ROBO3: variants seen among roughly 807,000 people sequenced by gnomAD.
ROBO3 encodes roundabout homolog 3.
In ROBO3, 97 loss-of-function variants were observed where a neutral mutation model predicts 160.5. That is an observed-to-expected ratio of 0.60 (90% CI 0.51 to 0.72). The LOEUF is 0.72. ROBO3 is among the 30% of genes least tolerant of loss of function. The pLI is 0.00. For missense variants in ROBO3, 1,858 were observed against 1,846.5 expected (o/e 1.01, Z -0.11); for synonymous variants, 780 against 746.2 (o/e 1.05, Z -0.74).
At position 124,878,983 on chromosome 11, in the gene ROBO3, G is replaced by A; in HGVS notation, c.3533+187G>A. 2 of 753,040 alleles carry A rather than the reference G, an allele frequency of 2.7e-6. No individual in the cohort carries two copies. The highest frequency in any genetic ancestry group is 5.3e-5 in the Admixed American group (2 of 38,006). The allele number at this position is 753,040 out of a possible 1,614,324, so 46.6% of individuals were successfully genotyped here. A position where few individuals can be genotyped will look rare whatever the true frequency, so the allele number is the denominator to read the frequency against. On this transcript the variant is annotated intron_variant, in intron 23 of 27. Transcript: ENST00000397801. The surrounding 1 kb of genome is among the most constrained non-coding windows in gnomAD (Gnocchi z 4.3). Reference sequence around the variant, plus strand: ...CTGACAAGATCTCTCATGCCCATTAGACTGGCTCTTGCTGGAGTGGTCAGC... The same window carrying A: ...CTGACAAGATCTCTCATGCCCATTAAACTGGCTCTTGCTGGAGTGGTCAGC...
chr11:124,877,900 G>A (rs1419972987), intron 20 of ROBO3, 37 bp from the exon 21 acceptor site: 2 of 1,424,628 alleles, frequency 1.4e-6, no homozygotes, highest in Admixed American at 1.9e-5. Context: ...CTATGTTTCT[G>A]TCTCTGCTTC....
chr11:124,870,481 G>T (rs1404732218), intron 5 of ROBO3, 120 bp from the exon 6 acceptor site: 33 of 1,527,148 alleles, frequency 2.2e-5, no homozygotes, highest in Non-Finnish European at 2.8e-5. Flanking sequence ...TGGGTAACCA[G>T]CTTCTGTCCC....
Position 124,875,093 on chromosome 11 carries a change from T to A in ROBO3, c.2074-18T>A. On this transcript the variant is annotated intron_variant, in intron 13 of 27. Transcript: ENST00000397801. ...CCCCAGCCTCCCCTTCTGGTGTGCCTTGTCCTGTCTCCCACAGGTGGATGG... is the reference window on the plus strand; with the variant it reads ...CCCCAGCCTCCCCTTCTGGTGTGCCATGTCCTGTCTCCCACAGGTGGATGG... The A allele has an allele frequency of 6.3e-7, 1 of 1,581,090 alleles. No homozygotes were observed. Among genetic ancestry groups the A allele is most frequent in the Non-Finnish European group, 8.6e-7 (1 of 1,163,774 alleles).
In ROBO3 at chr11:124,873,595, T is replaced by C; in HGVS notation, c.1619-102T>C. 8.6e-7 allele frequency: 1 copy of C among 1,156,570 alleles called. No individual in the cohort carries two copies. The highest frequency in any genetic ancestry group is 1.2e-6 in the Non-Finnish European group (1 of 819,324). 71.6% of individuals were successfully genotyped at this position (1,156,570 alleles called of 1,614,324 possible). Reference sequence around the variant, plus strand: ...CATATACTATAGCCCACTCTGACCATCACCGCAGCTCAGAGCTCCATAGCT... The same window carrying C: ...CATATACTATAGCCCACTCTGACCACCACCGCAGCTCAGAGCTCCATAGCT... On this transcript the variant is annotated intron_variant, in intron 10 of 27. Coordinates refer to ENST00000397801, the MANE Select transcript of ROBO3 (RefSeq NM_022370.4). The surrounding 1 kb of genome is among the most constrained non-coding windows in gnomAD (Gnocchi z 4.5).
chr11:124,867,307 T>C lies in ROBO3; in HGVS notation c.161-1495T>C, dbSNP rs186398469. Among the ~76,000 whole-genome samples, 34 of 152,308 alleles carry C rather than the reference T, an allele frequency of 2.2e-4. No individual in the cohort carries two copies. The East Asian group carries it at 5.0e-3, about 22-fold the overall frequency. ...ACGTTTATCCCCCAAGGGCTTTACATACATTATGGTCTTAGAGCAACCCTA... is the reference window on the plus strand; with the variant it reads ...ACGTTTATCCCCCAAGGGCTTTACACACATTATGGTCTTAGAGCAACCCTA... On this transcript the variant is annotated intron_variant, in intron 1 of 27. Transcript: ENST00000397801.
chr11:124,870,899 T>G, intron 6 of ROBO3, 115 bp from the exon 7 acceptor site: 1 of 1,522,998 alleles, frequency 6.6e-7, no homozygotes, highest in Non-Finnish European at 9.0e-7. Context: ...GAGGAAGAGA[T>G]GGATATCTGC....
chr11:124,870,311 A>AC lies in ROBO3; in HGVS notation c.905+13dup. 3 of 1,611,640 alleles carry AC rather than the reference A, an allele frequency of 1.9e-6. No homozygotes were observed. Among genetic ancestry groups the AC allele is most frequent in the South Asian group, 1.1e-5 (1 of 90,830 alleles). ...GGAACTGCCCACAGGCAGGTGAGAG[A>AC]CCCCCTTCTGCCTGTAGGAAGACCC... On this transcript the variant is annotated intron_variant, in intron 5 of 27. Coordinates refer to ENST00000397801, the MANE Select transcript of ROBO3 (RefSeq NM_022370.4).
Position 124,868,887 on chromosome 11 carries a change from G to C in ROBO3, c.246G>C (p.Thr82=). The part of the protein sequence containing the change: ...DLLVSRGEPA[T]LPCRAEGRPR... ...TGGTCTCCCGAGGCGAGCCCGCCACGTTGCCCTGCCGCGCTGAAGGCCGAC... is the reference window on the plus strand; with the variant it reads ...TGGTCTCCCGAGGCGAGCCCGCCACCTTGCCCTGCCGCGCTGAAGGCCGAC... Residue 82 remains threonine, a synonymous_variant, in exon 2 of 28, where the codon ACG becomes ACC. Transcript: ENST00000397801. The C allele has an allele frequency of 6.2e-7, 1 of 1,608,472 alleles. No individual in the cohort carries two copies. The highest frequency in any genetic ancestry group is 1.1e-5 in the South Asian group (1 of 89,918).
At position 124,873,610 on chromosome 11, in the gene ROBO3, G is replaced by A; in HGVS notation, c.1619-87G>A. On this transcript the variant is annotated intron_variant, in intron 10 of 27. Transcript: ENST00000397801. The surrounding 1 kb of genome is among the most constrained non-coding windows in gnomAD (Gnocchi z 4.5). ...ACTCTGACCATCACCGCAGCTCAGA[G>A]CTCCATAGCTCCCCTGGTAAGGAGA... The A allele has an allele frequency of 7.6e-7, 1 of 1,313,958 alleles. No individual in the cohort carries two copies. The highest frequency in any genetic ancestry group is 1.0e-6 in the Non-Finnish European group (1 of 955,454). The allele number at this position is 1,313,958 out of a possible 1,614,324, so 81.4% of individuals were successfully genotyped here.
In ROBO3 at chr11:124,876,429, G is replaced by C; in HGVS notation, c.2748G>C (p.Arg916=). Residue 916 remains arginine, a synonymous_variant, in exon 17 of 28, where the codon CGG becomes CGC. Coordinates refer to ENST00000397801, the MANE Select transcript of ROBO3 (RefSeq NM_022370.4). The surrounding 1 kb of genome is among the most constrained non-coding windows in gnomAD (Gnocchi z 5.3). The stretch of plus-strand genomic sequence containing the variant: ...TCTGCGCCGCCCTCTACTGGCGCCG[G>C]AAACAGCGCAAAGAGCTCAGCCACT... ...LGLCAALYWR[R]KQRKELSHYT... is the part of the protein sequence containing the mutation. 6.9e-7 allele frequency: 1 copy of C among 1,447,302 alleles called. No homozygotes were observed. 89.7% of individuals were successfully genotyped at this position (1,447,302 alleles called of 1,614,324 possible). A position where few individuals can be genotyped will look rare whatever the true frequency, so the allele number is the denominator to read the frequency against.
At chr11:124,874,286 G>T in intron 12 of ROBO3, 50 bp downstream of exon 12, 1 of 1,536,204 alleles carries the variant, frequency 6.5e-7, no homozygotes, top group South Asian at 1.2e-5. Context: ...ACATCATAAA[G>T]CAACCCTCTC....
At chr11:124,867,057 G>A (rs1264692811) in intron 1 of ROBO3, among the ~76,000 whole-genome samples, 1 of 152,142 alleles carries the variant, frequency 6.6e-6, no homozygotes, top group East Asian at 1.9e-4. Context: ...TTTTGCCGCC[G>A]AGAAAACGCT....
intron 7 of ROBO3, among the ~76,000 whole-genome samples, chr11:124,871,895 A>C (rs765340714): frequency 6.6e-6 from 1 of 152,210 alleles, no homozygotes; most frequent in Non-Finnish European, 1.5e-5. Context: ...GGGGTGAAGC[A>C]GGTGTTACCC....
Position 124,869,880 on chromosome 11 carries a change from T to A in ROBO3, c.646-68T>A. ...AACTTTATACATATGTATATACACA[T>A]ATATTCACCATATATATATACGCTG... On this transcript the variant is annotated intron_variant, in intron 3 of 27. Coordinates refer to ENST00000397801, the MANE Select transcript of ROBO3 (RefSeq NM_022370.4). This position sits in a 1 kb window ranked among gnomAD's most constrained non-coding sequence, Gnocchi z 4.2. 1 of 1,534,274 alleles carries A rather than the reference T, an allele frequency of 6.5e-7. No individual in the cohort carries two copies. The highest frequency in any genetic ancestry group is 8.8e-7 in the Non-Finnish European group (1 of 1,131,306).
At position 124,877,205 on chromosome 11, in the gene ROBO3, TG is replaced by T. The variant is rs550054823; in HGVS notation, c.2803+25del. 2.7e-4 allele frequency: 440 copies of T among 1,613,920 alleles called. 2 individuals are homozygous for T. The African/African-American group carries it at 5.0e-3, about 18-fold the overall frequency. ...GGCAGGTAAGCCATCTCTGCCCCAG[TG>T]GGGTTCAGACCCCCCGGGACGGGCC... On this transcript the variant is annotated intron_variant, in intron 18 of 27. Transcript: ENST00000397801.
Position 124,870,209 on chromosome 11 carries a change from G to C in ROBO3, c.811G>C (p.Ala271Pro). ...CAGACCAGTGAATCAGGTGGTCCTG[G>C]CTGATGCCCCTGTGACTTTCCTATG... The part of the protein sequence containing the change: ...LRRPVNQVVL[A>P]DAPVTFLCEV... The change falls in exon 5 of 28, where the codon GCT becomes CCT. Residue 271 changes from alanine to proline, a missense_variant. By Grantham distance (27) the Ala-to-Pro change is conservative. Coordinates refer to ENST00000397801, the MANE Select transcript of ROBO3 (RefSeq NM_022370.4). 2 of 1,614,002 alleles carry C rather than the reference G, an allele frequency of 1.2e-6. No homozygotes were observed. Among genetic ancestry groups the C allele is most frequent in the Non-Finnish European group, 1.7e-6 (2 of 1,179,890 alleles).
rs1159405908 is a variant in ROBO3 at position 124,865,658 on chromosome 11, C to T, written c.81C>T (p.Ser27=). ...TGGCCGGGGACATCTCCAACTCCAG[C>T]GAGCTGCTCTTGGGCTTCAACTCCT... ...DSLAGDISNS[S]ELLLGFNSSL... Residue 27 remains serine, a synonymous_variant, in exon 1 of 28, where the codon AGC becomes AGT. Coordinates refer to ENST00000397801, the MANE Select transcript of ROBO3 (RefSeq NM_022370.4). This position sits in a 1 kb window ranked among gnomAD's most constrained non-coding sequence, Gnocchi z 5.5. The T allele has an allele frequency of 6.2e-7, 1 of 1,612,774 alleles. No individual in the cohort carries two copies. The highest frequency in any genetic ancestry group is 8.5e-7 in the Non-Finnish European group (1 of 1,179,580).
chr11:124,865,479 C>A lies in ROBO3; in HGVS notation c.-99C>A. 7.8e-7 allele frequency: 1 copy of A among 1,274,472 alleles called. No homozygotes were observed. Among genetic ancestry groups the A allele is most frequent in the Non-Finnish European group, 1.1e-6 (1 of 925,192 alleles). 78.9% of individuals were successfully genotyped at this position (1,274,472 alleles called of 1,614,324 possible). A position where few individuals can be genotyped will look rare whatever the true frequency, so the allele number is the denominator to read the frequency against. ...GAGCGGCACCGTGGCTGCCGCAGCG[C>A]GCAGAGGCTGTGGAGGGGCTTACGG... On this transcript the variant is annotated 5_prime_UTR_variant, in exon 1 of 28. Transcript: ENST00000397801. This position sits in a 1 kb window ranked among gnomAD's most constrained non-coding sequence, Gnocchi z 5.5.
chr11:124,873,578 A>G lies in ROBO3; in HGVS notation c.1619-119A>G. 1 of 1,054,624 alleles carries G rather than the reference A, an allele frequency of 9.5e-7. No homozygotes were observed. The highest frequency in any genetic ancestry group is 1.6e-5 in the South Asian group (1 of 63,702). The allele number at this position is 1,054,624 out of a possible 1,614,324, so 65.3% of individuals were successfully genotyped here. ...AGATGTGAGTAGGGGTTCATATACT[A>G]TAGCCCACTCTGACCATCACCGCAG... On this transcript the variant is annotated intron_variant, in intron 10 of 27. Transcript: ENST00000397801. This position sits in a 1 kb window ranked among gnomAD's most constrained non-coding sequence, Gnocchi z 4.5.
Sources: gnomAD v4.1 joint callset for allele counts (sites outside exome capture counted in the v4.1 genomes callset) on GRCh38, gnomAD v4.1.1 for gene constraint, Gnocchi (gnomAD v3.1) non-coding constraint, MANE v1.5 for transcripts, NCBI Gene and HGNC (gene_info 2026-07-23, HGNC 2026-07-21) for gene names.